Variants in MCEMP1 observed in about 807,000 individuals in gnomAD.
The protein encoded by MCEMP1 is mast cell-expressed membrane protein 1.
A neutral mutation model predicts 27.9 loss-of-function variants in MCEMP1; 17 were observed. That is an observed-to-expected ratio of 0.61 (90% CI 0.42 to 0.91). The LOEUF (loss-of-function observed/expected upper bound fraction) is 0.91, where lower values mean the gene tolerates loss of function less well. Ranked by LOEUF, MCEMP1 falls within the 40% of genes least tolerant of loss-of-function variation. MCEMP1 has a pLI of 0.00. For missense variants in MCEMP1, 200 were observed against 204.8 expected (o/e 0.98, Z 0.14); for synonymous variants, 88 against 76.9 (o/e 1.14, Z -0.76).
At position 7,677,753 on chromosome 19, in the gene MCEMP1, C is replaced by T; in HGVS notation, c.145+27C>T. The T allele has an allele frequency of 1.3e-6, 2 of 1,557,300 alleles. No individual in the cohort carries two copies. Among genetic ancestry groups the T allele is most frequent in the Non-Finnish European group, 1.7e-6 (2 of 1,147,438 alleles). ...TGAGCAGACACCCACCTGCTCACAT[C>T]CCATCACCTTGGGAAGGGGCAGGTG... On this transcript the variant is annotated intron_variant, in intron 2 of 6. Transcript: ENST00000333598. This position sits in a 1 kb window ranked among gnomAD's most constrained non-coding sequence, Gnocchi z 4.6.
At position 7,678,311 on chromosome 19, in the gene MCEMP1, C is replaced by A; in HGVS notation, c.284-39C>A. On this transcript the variant is annotated intron_variant, in intron 3 of 6. Coordinates refer to ENST00000333598, the MANE Select transcript of MCEMP1 (RefSeq NM_174918.3). This position sits in a 1 kb window ranked among gnomAD's most constrained non-coding sequence, Gnocchi z 4.8. ...TCCCTTGTCCTTCTCTCTCTCTCTC[C>A]CTGGGTGCTTCAAGGATTTTCCTGC... The A allele has an allele frequency of 6.2e-7, 1 of 1,613,894 alleles. No homozygotes were observed. Among genetic ancestry groups the A allele is most frequent in the Non-Finnish European group, 8.5e-7 (1 of 1,179,930 alleles).
At position 7,677,152 on chromosome 19, in the gene MCEMP1, A is replaced by T. The variant is rs1439970807; in HGVS notation, c.32A>T (p.Gln11Leu). The change falls in exon 1 of 7, where the codon CAG (glutamine) becomes CTG (leucine). Residue 11 changes from glutamine to leucine, a missense_variant. Gln to Leu is a moderately radical substitution (Grantham distance 113, BLOSUM62 -2). Coordinates refer to ENST00000333598, the MANE Select transcript of MCEMP1 (RefSeq NM_174918.3). This position sits in a 1 kb window ranked among gnomAD's most constrained non-coding sequence, Gnocchi z 4.6. MQAPAFRDKKQGVSAKNQGAH... is the reference protein window; with the variant it reads MQAPAFRDKKLGVSAKNQGAH... ...GCACCAGCCTTCAGGGACAAGAAAC[A>T]GGGGGTCTCAGCCAAGAATCAAGGT... 3.1e-6 allele frequency: 5 copies of T among 1,594,730 alleles called. No homozygotes were observed. Among genetic ancestry groups the T allele is most frequent in the Non-Finnish European group, 4.3e-6 (5 of 1,170,172 alleles).
rs1288188240 is a variant in MCEMP1 at position 7,677,907 on chromosome 19, G to C, written c.145+181G>C. The C allele has an allele frequency of 1.9e-6, 2 of 1,031,456 alleles. No individual in the cohort carries two copies. Among genetic ancestry groups the C allele is most frequent in the Non-Finnish European group, 2.9e-6 (2 of 696,896 alleles). The allele number at this position is 1,031,456 out of a possible 1,614,324, so 63.9% of individuals were successfully genotyped here. On this transcript the variant is annotated intron_variant, in intron 2 of 6. Coordinates refer to ENST00000333598, the MANE Select transcript of MCEMP1 (RefSeq NM_174918.3). The surrounding 1 kb of genome is among the most constrained non-coding windows in gnomAD (Gnocchi z 4.6). ...CAATGTTGGGGAATGCTGGAGAGGG[G>C]GTCTGTGATGGTGACGGTGTTAGAT...
rs201465130 is a variant in MCEMP1, at chr19:7,677,721, G to A, written c.140G>A (p.Ser47Asn). Reference sequence around the variant, plus strand: ...AAGGGTGGTCATTCACGACCCACGAGCCAAGGTGAGCAGACACCCACCTGC... The same window carrying A: ...AAGGGTGGTCATTCACGACCCACGAACCAAGGTGAGCAGACACCCACCTGC... Reference protein sequence around the residue: ...HAKGGHSRPTSQVPAQCRPPS... With the variant: ...HAKGGHSRPTNQVPAQCRPPS... The change falls in exon 2 of 7, where the codon AGC (serine) becomes AAC (asparagine). Residue 47 changes from serine (S) to asparagine (N), a missense_variant. Transcript: ENST00000333598. This position sits in a 1 kb window ranked among gnomAD's most constrained non-coding sequence, Gnocchi z 4.6. 1.2e-6 allele frequency: 2 copies of A among 1,603,664 alleles called. No homozygotes were observed. Among genetic ancestry groups the A allele is most frequent in the Admixed American group, 1.7e-5 (1 of 58,822 alleles).
Position 7,677,257 on chromosome 19 carries a change from A to G in MCEMP1, c.55+82A>G. 1 of 1,295,646 alleles carries G rather than the reference A, an allele frequency of 7.7e-7. No individual in the cohort carries two copies. Among genetic ancestry groups the G allele is most frequent in the South Asian group, 1.3e-5 (1 of 77,392 alleles). The allele number at this position is 1,295,646 out of a possible 1,614,324, so 80.3% of individuals were successfully genotyped here. A position where few individuals can be genotyped will look rare whatever the true frequency, so the allele number is the denominator to read the frequency against. The stretch of plus-strand genomic sequence containing the variant: ...GGCTTTTGCTCATGTCTGTAATCCT[A>G]GCACTTTGGGAGGCTGAGGCGGGAG... On this transcript the variant is annotated intron_variant, in intron 1 of 6. Transcript: ENST00000333598. The surrounding 1 kb of genome is among the most constrained non-coding windows in gnomAD (Gnocchi z 4.6).
chr19:7,678,453 G>T lies in MCEMP1; in HGVS notation c.335-38G>T. The T allele has an allele frequency of 6.2e-7, 1 of 1,613,698 alleles. No homozygotes were observed. The highest frequency in any genetic ancestry group is 8.5e-7 in the Non-Finnish European group (1 of 1,179,656). On this transcript the variant is annotated intron_variant, in intron 4 of 6. Transcript: ENST00000333598. This position sits in a 1 kb window ranked among gnomAD's most constrained non-coding sequence, Gnocchi z 4.8. ...TGGGGTCATGGTGGGGGTCTGGAGA[G>T]GGATGGATGCACAGACACCCCTGTT...
In MCEMP1 at chr19:7,678,861, T is replaced by G; in HGVS notation, c.449-63T>G. On this transcript the variant is annotated intron_variant, in intron 5 of 6. Transcript: ENST00000333598. The surrounding 1 kb of genome is among the most constrained non-coding windows in gnomAD (Gnocchi z 4.8). ...GGGTGCTTCCAAGGAAGGTGGGGGC[T>G]TTGTTTGAGGCTCCACCGCAGCTTG... 6.8e-7 allele frequency: 1 copy of G among 1,462,240 alleles called. No homozygotes were observed. Among genetic ancestry groups the G allele is most frequent in the Non-Finnish European group, 9.3e-7 (1 of 1,074,718 alleles). The allele number at this position is 1,462,240 out of a possible 1,614,324, so 90.6% of individuals were successfully genotyped here.
chr19:7,677,646 A>G lies in MCEMP1; in HGVS notation c.65A>G (p.Asp22Gly), dbSNP rs1443329588. The change falls in exon 2 of 7, where the codon GAC becomes GGC. Residue 22 changes from aspartate (D) to glycine (G), a missense_variant. Transcript: ENST00000333598. The surrounding 1 kb of genome is among the most constrained non-coding windows in gnomAD (Gnocchi z 4.6). ...CTCCAACCCCTCCCAGGTGCCCATG[A>G]CCCAGACTATGAGAATATCACCTTG... Reference protein sequence around the residue: ...GVSAKNQGAHDPDYENITLAF... With the variant: ...GVSAKNQGAHGPDYENITLAF... 1.9e-6 allele frequency: 3 copies of G among 1,613,870 alleles called. No homozygotes were observed. The highest frequency in any genetic ancestry group is 2.5e-6 in the Non-Finnish European group (3 of 1,179,764).
Position 7,678,231 on chromosome 19 carries a change from C to G in MCEMP1, c.273C>G (p.Ile91Met). ...TCTGCATCATCCTGTCAGCCTTCAT[C>G]ATGGTGAAGAGTGAGTACTTCTTGG... ...FVLCIILSAF[I>M]MVKNAEMSKE... Residue 91 changes from isoleucine to methionine, a missense_variant, in exon 3 of 7, where the codon ATC becomes ATG. Transcript: ENST00000333598. The surrounding 1 kb of genome is among the most constrained non-coding windows in gnomAD (Gnocchi z 4.8). The G allele has an allele frequency of 6.2e-7, 1 of 1,614,020 alleles. No homozygotes were observed. Among genetic ancestry groups the G allele is most frequent in the Non-Finnish European group, 8.5e-7 (1 of 1,179,968 alleles).
Position 7,678,271 on chromosome 19 carries a change from G to C in MCEMP1, c.283+30G>C. On this transcript the variant is annotated intron_variant, in intron 3 of 6. Transcript: ENST00000333598. This position sits in a 1 kb window ranked among gnomAD's most constrained non-coding sequence, Gnocchi z 4.8. The stretch of plus-strand genomic sequence containing the variant: ...GTACTTCTTGGGAGGAGGGTGCTGG[G>C]GGGCCTAGACTTTCTCCCTTGTCCT... The C allele has an allele frequency of 1.2e-6, 2 of 1,613,968 alleles. No homozygotes were observed. Among genetic ancestry groups the C allele is most frequent in the East Asian group, 2.2e-5 (1 of 44,870 alleles).
At position 7,677,800 on chromosome 19, in the gene MCEMP1, C is replaced by T. The variant is rs552666529; in HGVS notation, c.145+74C>T. On this transcript the variant is annotated intron_variant, in intron 2 of 6. Transcript: ENST00000333598. This position sits in a 1 kb window ranked among gnomAD's most constrained non-coding sequence, Gnocchi z 4.6. ...GGTGGGCGGGCAACTGCAGGGCCCC[C>T]GGGGCTGCGTGGAAGGGAGGAAGCG... 90 of 1,378,810 alleles carry T rather than the reference C, an allele frequency of 6.5e-5. 1 individual carries two copies. Among genetic ancestry groups the T allele is most frequent in the East Asian group, 2.8e-4 (12 of 42,714 alleles). 85.4% of individuals were successfully genotyped at this position (1,378,810 alleles called of 1,614,324 possible).
In MCEMP1 at chr19:7,678,745, C is replaced by A; in HGVS notation, c.448+141C>A. On this transcript the variant is annotated intron_variant, in intron 5 of 6. Coordinates refer to ENST00000333598, the MANE Select transcript of MCEMP1 (RefSeq NM_174918.3). The surrounding 1 kb of genome is among the most constrained non-coding windows in gnomAD (Gnocchi z 4.8). ...AGTTGTGGAGGGGCGATGGGTGTTA[C>A]CATCTGGGTTGCTCTGTGGGTATTG... The A allele has an allele frequency of 2.8e-6, 3 of 1,083,040 alleles. No individual in the cohort carries two copies. The highest frequency in any genetic ancestry group is 4.1e-6 in the Non-Finnish European group (3 of 736,606). 67.1% of individuals were successfully genotyped at this position (1,083,040 alleles called of 1,614,324 possible).
rs774741125 is a variant in MCEMP1, at chr19:7,678,268, TG to T, written c.283+33del. 9.3e-6 allele frequency: 15 copies of T among 1,613,912 alleles called. No individual in the cohort carries two copies. The Admixed American group carries it at 1.7e-4, about 18-fold the overall frequency. Reference sequence around the variant, plus strand: ...TGAGTACTTCTTGGGAGGAGGGTGCTGGGGGGCCTAGACTTTCTCCCTTGTC... The same window carrying T: ...TGAGTACTTCTTGGGAGGAGGGTGCTGGGGGCCTAGACTTTCTCCCTTGTC... On this transcript the variant is annotated intron_variant, in intron 3 of 6. Transcript: ENST00000333598. The surrounding 1 kb of genome is among the most constrained non-coding windows in gnomAD (Gnocchi z 4.8).
chr19:7,678,258 A>T lies in MCEMP1; in HGVS notation c.283+17A>T. 1 of 1,613,786 alleles carries T rather than the reference A, an allele frequency of 6.2e-7. No individual in the cohort carries two copies. The highest frequency in any genetic ancestry group is 8.5e-7 in the Non-Finnish European group (1 of 1,179,884). ...TGGTGAAGAGTGAGTACTTCTTGGG[A>T]GGAGGGTGCTGGGGGGCCTAGACTT... On this transcript the variant is annotated intron_variant, in intron 3 of 6. Transcript: ENST00000333598. The surrounding 1 kb of genome is among the most constrained non-coding windows in gnomAD (Gnocchi z 4.8).
In MCEMP1 at chr19:7,678,017, G is replaced by C; in HGVS notation, c.146-87G>C. 4.0e-6 allele frequency: 6 copies of C among 1,498,374 alleles called. No individual in the cohort carries two copies. Among genetic ancestry groups the C allele is most frequent in the Non-Finnish European group, 5.4e-6 (6 of 1,121,116 alleles). 92.8% of individuals were successfully genotyped at this position (1,498,374 alleles called of 1,614,324 possible). A position where few individuals can be genotyped will look rare whatever the true frequency, so the allele number is the denominator to read the frequency against. ...AGCTGCTGATGGTTTTGAGAGGAGC[G>C]AGGTGTCCATGGTGTTAGAGACAGT... On this transcript the variant is annotated intron_variant, in intron 2 of 6. Coordinates refer to ENST00000333598, the MANE Select transcript of MCEMP1 (RefSeq NM_174918.3). The surrounding 1 kb of genome is among the most constrained non-coding windows in gnomAD (Gnocchi z 4.8).
Position 7,678,897 on chromosome 19 carries a change from T to TTCCCCC in MCEMP1, c.449-27_449-26insTCCCCC. 177 of 993,878 alleles carry TTCCCCC rather than the reference T, an allele frequency of 1.8e-4. No individual in the cohort carries two copies. The highest frequency in any genetic ancestry group is 2.5e-4 in the Non-Finnish European group (160 of 644,732). The allele number at this position is 993,878 out of a possible 1,614,324, so 61.6% of individuals were successfully genotyped here. On this transcript the variant is annotated intron_variant, in intron 5 of 6. Coordinates refer to ENST00000333598, the MANE Select transcript of MCEMP1 (RefSeq NM_174918.3). This position sits in a 1 kb window ranked among gnomAD's most constrained non-coding sequence, Gnocchi z 4.8. ...CTCCACCGCAGCTTGACTTATCTGT[T>TTCCCCC]CCCACCCAACCCTCCCCGCCCCCTA...
At position 7,678,324 on chromosome 19, in the gene MCEMP1, A is replaced by T. The variant is rs767340251; in HGVS notation, c.284-26A>T. On this transcript the variant is annotated intron_variant, in intron 3 of 6. Coordinates refer to ENST00000333598, the MANE Select transcript of MCEMP1 (RefSeq NM_174918.3). The surrounding 1 kb of genome is among the most constrained non-coding windows in gnomAD (Gnocchi z 4.8). The stretch of plus-strand genomic sequence containing the variant: ...TCTCTCTCTCTCCCTGGGTGCTTCA[A>T]GGATTTTCCTGCCCCTCCTGAACAG... 5 of 1,613,912 alleles carry T rather than the reference A, an allele frequency of 3.1e-6. 1 individual carries two copies. Among genetic ancestry groups the T allele is most frequent in the Middle Eastern group, 1.6e-4 (1 of 6,062 alleles).
Position 7,678,897 on chromosome 19 carries a change from T to TACCCC in MCEMP1, c.449-27_449-26insACCCC. 6.8e-5 allele frequency: 68 copies of TACCCC among 993,824 alleles called. No homozygotes were observed. Among genetic ancestry groups the TACCCC allele is most frequent in the Non-Finnish European group, 8.1e-5 (52 of 644,708 alleles). 61.6% of individuals were successfully genotyped at this position (993,824 alleles called of 1,614,324 possible). On this transcript the variant is annotated intron_variant, in intron 5 of 6. Transcript: ENST00000333598. This position sits in a 1 kb window ranked among gnomAD's most constrained non-coding sequence, Gnocchi z 4.8. The stretch of plus-strand genomic sequence containing the variant: ...CTCCACCGCAGCTTGACTTATCTGT[T>TACCCC]CCCACCCAACCCTCCCCGCCCCCTA...
chr19:7,677,223 G>A lies in MCEMP1; in HGVS notation c.55+48G>A. 5 of 1,497,064 alleles carry A rather than the reference G, an allele frequency of 3.3e-6. No individual in the cohort carries two copies. The highest frequency in any genetic ancestry group is 4.6e-6 in the Non-Finnish European group (5 of 1,097,440). 92.7% of individuals were successfully genotyped at this position (1,497,064 alleles called of 1,614,324 possible). ...GGAGGGGTTAAGAAGGAGAGATTGG[G>A]GGGCCGGGGGCTTTTGCTCATGTCT... On this transcript the variant is annotated intron_variant, in intron 1 of 6. Transcript: ENST00000333598. This position sits in a 1 kb window ranked among gnomAD's most constrained non-coding sequence, Gnocchi z 4.6.
Sources: allele counts gnomAD v4.1 joint callset, GRCh38; gene constraint gnomAD v4.1.1; non-coding constraint Gnocchi (gnomAD v3.1); transcripts MANE v1.5; gene names NCBI Gene and HGNC (gene_info 2026-07-23, HGNC 2026-07-21).